WNK2: variants seen among roughly 807,000 people sequenced by gnomAD.
WNK2 encodes the protein serine/threonine-protein kinase WNK2.
In WNK2, 67 loss-of-function variants were observed where a neutral mutation model predicts 192.1. That is an observed-to-expected ratio of 0.35 (90% CI 0.29 to 0.43). WNK2 has a LOEUF of 0.43. Ranked by LOEUF, WNK2 falls within the 20% of genes least tolerant of loss-of-function variation. The pLI is 1.00. For synonymous variants in WNK2, 1,439 were observed against 1,393.9 expected, an observed-to-expected ratio of 1.03 and a Z score of -0.72; for missense variants, 2,698 against 3,089.7, an observed-to-expected ratio of 0.87 and a Z score of 3.01.
intron 5 of WNK2, among the ~76,000 whole-genome samples, chr9:93,236,563 T>C (rs1839849313): frequency 6.6e-6 from 1 of 152,258 alleles, no homozygotes. Flanking sequence ...CTTACTCCAC[T>C]TCCAACACAA....
rs1265274561 is a variant in WNK2 at position 93,244,394 on chromosome 9, A to G, written c.1543-3149A>G. ...GGATTCCCAGCCAGCCCTCCCCTCC[A>G]CCTTCATACTCTCCTGATAATGCAA... On this transcript the variant is annotated intron_variant, in intron 7 of 29. Coordinates refer to ENST00000427277, the MANE Select transcript of WNK2 (RefSeq NM_006648.4). Among the ~76,000 whole-genome samples, 5 of 152,124 alleles carry G rather than the reference A, an allele frequency of 3.3e-5. No individual in the cohort carries two copies. The South Asian group carries it at 1.0e-3, about 32-fold the overall frequency.
intron 26 of WNK2, among the ~76,000 whole-genome samples, chr9:93,301,053 C>G (rs965191530): frequency 4.3e-4 from 66 of 152,222 alleles, no homozygotes; most frequent in Admixed American, 3.3e-4. Flanking sequence ...AAACCCAGTC[C>G]CAGCCTTGCT....
intron 19 of WNK2, among the ~76,000 whole-genome samples, chr9:93,274,461 G>A (rs1846443692): frequency 6.8e-6 from 1 of 147,136 alleles, no homozygotes; most frequent in African/African-American, 2.6e-5. Context: ...GCCGTGAGTC[G>A]AGATCGTGCC....
At chr9:93,232,154 TTAGTTCTGCTG>T in intron 4 of WNK2, among the ~76,000 whole-genome samples, 1 of 152,330 alleles carries the variant, frequency 6.6e-6, no homozygotes, top group African/African-American at 2.4e-5. Context: ...TTGTGAATTC[TTAGTTCTGCTG>T]CATGTTTGGG....
chr9:93,287,199 A>G (rs1848576883), intron 19 of WNK2, among the ~76,000 whole-genome samples: 1 of 152,218 alleles, frequency 6.6e-6, no homozygotes, highest in Non-Finnish European at 1.5e-5. Flanking sequence ...AAAGAGCCAC[A>G]ATAAGACGCC....
chr9:93,221,345 CGGG>C (rs1836847447), intron 2 of WNK2, among the ~76,000 whole-genome samples: 1 of 152,152 alleles, frequency 6.6e-6, no homozygotes, highest in African/African-American at 2.4e-5. Flanking sequence ...CAGCTTGTCC[CGGG>C]GAAGGACAGC....
intron 15 of WNK2, 21 bp downstream of exon 15, chr9:93,263,755 G>C: frequency 7.1e-7 from 1 of 1,411,216 alleles, no homozygotes; most frequent in Middle Eastern, 2.6e-4. Flanking sequence ...GGGGCGTGGC[G>C]GGGGTGTGGT....
chr9:93,185,964 A>T (rs550943112), intron 2 of WNK2, among the ~76,000 whole-genome samples: 1 of 152,268 alleles, frequency 6.6e-6, no homozygotes, highest in South Asian at 2.1e-4. Context: ...CCGATGACCT[A>T]CTTTAATGAC....
At chr9:93,224,368 G>A (rs1354680563) in intron 2 of WNK2, among the ~76,000 whole-genome samples, 1 of 152,230 alleles carries the variant, frequency 6.6e-6, no homozygotes, top group African/African-American at 2.4e-5. Flanking sequence ...AGTGTCATAG[G>A]AGGGGGCTGC....
intron 16 of WNK2, among the ~76,000 whole-genome samples, chr9:93,264,913 T>C (rs1844908476): frequency 6.6e-6 from 1 of 152,222 alleles, no homozygotes; most frequent in African/African-American, 2.4e-5. Context: ...GGCTGCTGCA[T>C]TGCACATCAT....
intron 26 of WNK2, 183 bp downstream of exon 26, chr9:93,300,332 G>A (rs1375439671): frequency 5.4e-6 from 3 of 559,170 alleles, no homozygotes; most frequent in Admixed American, 3.2e-5. Context: ...GGCCGCCAGC[G>A]CCTACCCCCA....
Position 93,299,238 on chromosome 9 carries a change from A to T in WNK2, c.6092A>T (p.Asp2031Val). Reference sequence around the variant, plus strand: ...GACATCTGCTCCGGCTTAGCCAGTGATGGAGGCGGAGCGCGTGGCCAAGGT... The same window carrying T: ...GACATCTGCTCCGGCTTAGCCAGTGTTGGAGGCGGAGCGCGTGGCCAAGGT... ...SSDICSGLAS[D>V]GGGARGQGWT... Residue 2031 changes from aspartate (D) to valine (V), a missense_variant, in exon 25 of 30, where the codon GAT becomes GTT. By Grantham distance (152) the Asp-to-Val change is radical. Coordinates refer to ENST00000427277, the MANE Select transcript of WNK2 (RefSeq NM_006648.4). 6.3e-7 allele frequency: 1 copy of T among 1,579,806 alleles called. No homozygotes were observed. The highest frequency in any genetic ancestry group is 8.6e-7 in the Non-Finnish European group (1 of 1,157,580).
chr9:93,250,342 C>T (rs1588177180), intron 8 of WNK2, among the ~76,000 whole-genome samples: 1 of 152,360 alleles, frequency 6.6e-6, no homozygotes, highest in East Asian at 1.9e-4. Flanking sequence ...AATGTGAACA[C>T]ATTCACCTGC....
chr9:93,269,335 C>A lies in WNK2; in HGVS notation c.4033+589C>A, dbSNP rs368678740. Among the ~76,000 whole-genome samples the A allele has an allele frequency of 3.4e-3, 520 of 152,264 alleles. 33 individuals carry two copies. In the South Asian group the frequency reaches 0.1, roughly 30 times the overall value. ...AACAAATTTAAGGTTTAATTCCTTA[C>A]CAGTTGGCAGGGGAAAGTTACTGAT... On this transcript the variant is annotated intron_variant, in intron 19 of 29. Transcript: ENST00000427277.
At chr9:93,231,766 C>A (rs980622776) in intron 4 of WNK2, among the ~76,000 whole-genome samples, 2 of 152,226 alleles carry the variant, frequency 1.3e-5, no homozygotes, top group Admixed American at 6.5e-5. Context: ...GCCTTCCCAG[C>A]CTTCTTTTGG....
At chr9:93,267,395 C>T (rs1278219894) in intron 16 of WNK2, among the ~76,000 whole-genome samples, 4 of 152,198 alleles carry the variant, frequency 2.6e-5, no homozygotes, top group African/African-American at 9.7e-5. Flanking sequence ...GACCCCCTCC[C>T]CTCTTCCCAG....
chr9:93,290,735 C>G (rs986059382), intron 21 of WNK2, among the ~76,000 whole-genome samples: 2 of 152,240 alleles, frequency 1.3e-5, no homozygotes, highest in African/African-American at 4.8e-5. Context: ...GCTGTGACTG[C>G]TGGGAGCGCC....
chr9:93,184,893 G>T (rs1829007864), intron 1 of WNK2, 35 bp from the exon 2 acceptor site: 29 of 1,220,134 alleles, frequency 2.4e-5, no homozygotes, highest in Non-Finnish European at 3.0e-5. Flanking sequence ...GGCAGGGCCG[G>T]CGCTCACGCG....
intron 29 of WNK2, chr9:93,318,109 A>T (rs1216032670): frequency 6.4e-7 from 1 of 1,567,170 alleles, no homozygotes; most frequent in African/African-American, 1.4e-5. Flanking sequence ...ACCCTGCAGA[A>T]GTACAGTGCC....
Sources: allele counts gnomAD v4.1 joint callset (sites outside exome capture counted in the v4.1 genomes callset), GRCh38; gene constraint gnomAD v4.1.1; transcripts MANE v1.5; gene names NCBI Gene and HGNC (gene_info 2026-07-23, HGNC 2026-07-21).